CDH18: variants seen among roughly 807,000 people sequenced by gnomAD.
CDH18 encodes the protein cadherin 18.
CDH18 carries 31 observed loss-of-function variants against 67.9 expected under a neutral mutation model. The ratio of observed to expected loss-of-function variants is 0.46; its 90% CI spans 0.34 to 0.62. The LOEUF (loss-of-function observed/expected upper bound fraction) is 0.62. Ranked by LOEUF, CDH18 falls within the 20% of genes least tolerant of loss-of-function variation. The pLI is 0.01. For missense variants in CDH18, 890 were observed against 975.5 expected, an observed-to-expected ratio of 0.91 and a Z score of 1.17; for synonymous variants, 362 against 347.2, an observed-to-expected ratio of 1.04 and a Z score of -0.48.
At chr5:20,147,198 T>C (rs1750711422) in intron 2 of CDH18, among the ~76,000 whole-genome samples, 1 of 152,176 alleles carries the variant, frequency 6.6e-6, no homozygotes, top group Non-Finnish European at 1.5e-5. Flanking sequence ...TTAATTTGCA[T>C]ATTTTGTAGA....
chr5:19,480,351 T>TTTTATTTA (rs70950071), intron 12 of CDH18, among the ~76,000 whole-genome samples: 3,699 of 145,452 alleles, frequency 0.025, 71 homozygotes, highest in Middle Eastern at 0.043. Context: ...ATAAAGTTTA[T>TTTTATTTA]TTTATTTATT....
chr5:19,636,347 C>G (rs1753144612), intron 5 of CDH18, among the ~76,000 whole-genome samples: 1 of 151,864 alleles, frequency 6.6e-6, no homozygotes, highest in Admixed American at 6.6e-5. Context: ...ACATAGTTAT[C>G]CTGTTTTAAT....
At chr5:20,152,477 T>C (rs1751201709) in intron 2 of CDH18, among the ~76,000 whole-genome samples, 1 of 151,730 alleles carries the variant, frequency 6.6e-6, no homozygotes, top group Non-Finnish European at 1.5e-5. Context: ...AAAGATTAAA[T>C]ATCTCTCTTA....
intron 8 of CDH18, among the ~76,000 whole-genome samples, 199 bp from the exon 9 acceptor site, chr5:19,544,204 T>G (rs1454398750): frequency 6.6e-6 from 1 of 152,162 alleles, no homozygotes; most frequent in Non-Finnish European, 1.5e-5. Flanking sequence ...TAAGTTCAAT[T>G]ACTAATTCAA....
intron 2 of CDH18, among the ~76,000 whole-genome samples, chr5:19,979,195 G>A (rs1017815344): frequency 2.0e-5 from 3 of 147,630 alleles, no homozygotes; most frequent in Non-Finnish European, 4.4e-5. Flanking sequence ...AAGTCATAAG[G>A]TGATTGTTGG....
chr5:19,604,268 C>T (rs1460335814), intron 6 of CDH18, among the ~76,000 whole-genome samples: 1 of 151,892 alleles, frequency 6.6e-6, no homozygotes, highest in African/African-American at 2.4e-5. Context: ...TATGATTACC[C>T]CAAGGCCCTA....
chr5:20,034,538 C>A (rs1739672005), intron 2 of CDH18, among the ~76,000 whole-genome samples: 1 of 152,032 alleles, frequency 6.6e-6, no homozygotes, highest in Non-Finnish European at 1.5e-5. Flanking sequence ...CTGTGTAAAG[C>A]AGATTGCCTT....
At chr5:20,407,412 T>C (rs1298338798) in intron 1 of CDH18, among the ~76,000 whole-genome samples, 1 of 151,648 alleles carries the variant, frequency 6.6e-6, no homozygotes, top group Non-Finnish European at 1.5e-5. Context: ...GCTGGGTTGG[T>C]TGGTGATGAT....
intron 2 of CDH18, among the ~76,000 whole-genome samples, chr5:20,067,010 G>GA (rs987176454): frequency 0.012 from 1,744 of 143,896 alleles, 39 homozygotes; most frequent in African/African-American, 0.042. Context: ...ATATATATTG[G>GA]AAAAAAAAAC....
chr5:20,491,669 GT>G (rs1466441073), intron 1 of CDH18, among the ~76,000 whole-genome samples: 1 of 152,210 alleles, frequency 6.6e-6, no homozygotes, highest in African/African-American at 2.4e-5. Context: ...GGATTTTGTA[GT>G]ATTCAGGCCC....
intron 2 of CDH18, among the ~76,000 whole-genome samples, chr5:19,957,050 C>T (rs867036112): frequency 6.6e-6 from 1 of 151,832 alleles, no homozygotes; most frequent in South Asian, 2.1e-4. Flanking sequence ...TTGGAATATT[C>T]TGGGAAAAAT....
At chr5:20,218,871 T>C (rs7709152) in intron 2 of CDH18, among the ~76,000 whole-genome samples, 76,982 of 151,380 alleles carry the variant, frequency 0.51, 19,939 homozygotes, top group Middle Eastern at 0.65. Flanking sequence ...AATGGACTAA[T>C]ACAGACGTAC....
At chr5:19,965,551 A>C (rs1797342864) in intron 2 of CDH18, among the ~76,000 whole-genome samples, 1 of 152,228 alleles carries the variant, frequency 6.6e-6, no homozygotes, top group African/African-American at 2.4e-5. Context: ...ATAGCATTAT[A>C]TGTTAGCAAA....
At chr5:20,204,503 T>C (rs1302386626) in intron 2 of CDH18, among the ~76,000 whole-genome samples, 4 of 152,132 alleles carry the variant, frequency 2.6e-5, no homozygotes, top group South Asian at 4.1e-4. Context: ...AAGGCAATTC[T>C]TGAATCTAAA....
chr5:20,084,581 T>C (rs535570797), intron 2 of CDH18, among the ~76,000 whole-genome samples: 124 of 152,316 alleles, frequency 8.1e-4, no homozygotes, highest in African/African-American at 2.9e-3. Context: ...CCTTCTGCAC[T>C]GCCCTAGTGG....
intron 1 of CDH18, among the ~76,000 whole-genome samples, chr5:20,321,838 A>C (rs1296120147): frequency 2.6e-5 from 4 of 152,184 alleles, no homozygotes; most frequent in Non-Finnish European, 5.9e-5. Context: ...CCCCAAAGAT[A>C]ATTTACTTAT....
intron 2 of CDH18, among the ~76,000 whole-genome samples, chr5:20,210,699 A>G (rs759089354): frequency 6.6e-6 from 1 of 151,994 alleles, no homozygotes; most frequent in African/African-American, 2.4e-5. Context: ...TTGAAAATGT[A>G]TACAGATTTT....
intron 2 of CDH18, among the ~76,000 whole-genome samples, chr5:20,216,803 T>C (rs1740815549): frequency 6.6e-6 from 1 of 151,804 alleles, no homozygotes; most frequent in South Asian, 2.1e-4. Context: ...TTAACACAAA[T>C]AGTTCTATCT....
At chr5:20,411,205 T>C (rs1746741639) in intron 1 of CDH18, among the ~76,000 whole-genome samples, 1 of 151,882 alleles carries the variant, frequency 6.6e-6, no homozygotes, top group South Asian at 2.1e-4. Context: ...CTCAAAATAA[T>C]ATTGCAATGA....
Sources: gnomAD v4.1 joint callset for allele counts (sites outside exome capture counted in the v4.1 genomes callset) on GRCh38, gnomAD v4.1.1 for gene constraint, MANE v1.5 for transcripts, NCBI Gene and HGNC (gene_info 2026-07-23, HGNC 2026-07-21) for gene names.